Variants in SLC6A15 observed in about 807,000 individuals in gnomAD.
SLC6A15 encodes the protein sodium-dependent neutral amino acid transporter B(0)AT2.
In SLC6A15, 33 loss-of-function variants were observed where a neutral mutation model predicts 68.5. The ratio of observed to expected loss-of-function variants is 0.48; its 90% CI spans 0.37 to 0.64. The LOEUF (loss-of-function observed/expected upper bound fraction) is 0.64, where lower values mean the gene tolerates loss of function less well. Ranked by LOEUF, SLC6A15 falls within the 30% of genes least tolerant of loss-of-function variation. The probability of loss-of-function intolerance (pLI) is 0.00; values close to 1 mark genes in which losing one functional copy is unlikely to be tolerated. For missense variants in SLC6A15, 747 were observed against 874.3 expected (o/e 0.85, Z 1.84); for synonymous variants, 347 against 301.0 (o/e 1.15, Z -1.58).
Position 84,873,110 on chromosome 12 carries a change from G to A in SLC6A15, c.1086C>T (p.Val362=). 3 of 1,614,028 alleles carry A rather than the reference G, an allele frequency of 1.9e-6. No homozygotes were observed. Among genetic ancestry groups the A allele is most frequent in the South Asian group, 2.2e-5 (2 of 91,026 alleles). The change falls in exon 7 of 12, where the codon GTC becomes GTT. Residue 362 remains valine, a synonymous_variant. Transcript: ENST00000266682. Reference sequence around the variant, plus strand: ...ACTGTGTAATGCATTTCTCATTTATGACATTTGCTTTGAAGCCCAGAACTG... The same window carrying A: ...ACTGTGTAATGCATTTCTCATTTATAACATTTGCTTTGAAGCCCAGAACTG... The part of the protein sequence containing the change: ...VFAVLGFKAN[V]INEKCITQNS...
In SLC6A15 at chr12:84,860,083, TAA is replaced by T. The variant is rs1027783776; in HGVS notation, c.*1547_*1548del. 6.6e-6 allele frequency: 1 copy of T among 152,068 alleles called. No homozygotes were observed. Among genetic ancestry groups the T allele is most frequent in the Non-Finnish European group, 1.5e-5 (1 of 67,916 alleles). The allele number at this position is 152,068 out of a possible 1,614,324, so 9.4% of individuals were successfully genotyped here. On this transcript the variant is annotated 3_prime_UTR_variant, in exon 12 of 12. Transcript: ENST00000266682. ...TATTCATGAATATATTTTAAAAGAC[TAA>T]AAATTTATGCACCAGTGGATTTAAT...
At chr12:84,869,661 T>C (rs1871207470) in intron 9 of SLC6A15, among the ~76,000 whole-genome samples, 1 of 152,094 alleles carries the variant, frequency 6.6e-6, no homozygotes, top group Admixed American at 6.6e-5. Context: ...CTCTGACCCT[T>C]GAGAAGATCC....
chr12:84,883,929 G>T lies in SLC6A15; in HGVS notation c.686C>A (p.Thr229Asn). 1 of 1,614,106 alleles carries T rather than the reference G, an allele frequency of 6.2e-7. No homozygotes were observed. Among genetic ancestry groups the T allele is most frequent in the Non-Finnish European group, 8.5e-7 (1 of 1,180,002 alleles). The change falls in exon 5 of 12, where the codon ACC (threonine) becomes AAC (asparagine). Residue 229 changes from threonine (T) to asparagine (N), a missense_variant. Transcript: ENST00000266682. ...SESGGLNWKM[T>N]ICLLAAWVMV... is the part of the protein sequence containing the mutation. The stretch of plus-strand genomic sequence containing the variant: ...GACCCAGGCAGCCAACAAGCAGATG[G>T]TCATCTTCCAGTTTAAGCCCCCACT...
Position 84,881,525 on chromosome 12 carries a change from G to T in SLC6A15, c.756+2334C>A, listed in dbSNP as rs78043864. On this transcript the variant is annotated intron_variant, in intron 5 of 11. Transcript: ENST00000266682. ...TGCAGATGTGGTCCAACTGATATGT[G>T]CCTACCTAGCCCAAAGGACAATGTC... 5,718 of 985,246 alleles carry T rather than the reference G, an allele frequency of 5.8e-3. 264 individuals are homozygous for T. The African/African-American group carries it at 0.093, about 16-fold the overall frequency. 61.0% of individuals were successfully genotyped at this position (985,246 alleles called of 1,614,324 possible).
intron 1 of SLC6A15, among the ~76,000 whole-genome samples, chr12:84,899,308 G>A (rs909486751): frequency 6.6e-6 from 1 of 152,018 alleles, no homozygotes; most frequent in African/African-American, 2.4e-5. Flanking sequence ...ACTGCAAAAG[G>A]CATGCGTAGA....
chr12:84,903,114 G>A (rs182509062), intron 1 of SLC6A15, among the ~76,000 whole-genome samples: 8 of 152,190 alleles, frequency 5.3e-5, no homozygotes, highest in African/African-American at 1.9e-4. Context: ...CTGTGAAATC[G>A]TAATTATTTC....
chr12:84,874,097 G>T (rs1250688480), intron 6 of SLC6A15, among the ~76,000 whole-genome samples: 2 of 152,124 alleles, frequency 1.3e-5, no homozygotes, highest in Admixed American at 6.6e-5. Context: ...TAATAATAGC[G>T]TTTAAATTGG....
At chr12:84,870,051 A>G in intron 9 of SLC6A15, among the ~76,000 whole-genome samples, 1 of 151,924 alleles carries the variant, frequency 6.6e-6, no homozygotes, top group East Asian at 1.9e-4. Flanking sequence ...GCTGCTGTAT[A>G]TGAGAACGGG....
chr12:84,905,398 C>T (rs547939787), intron 1 of SLC6A15, among the ~76,000 whole-genome samples: 1 of 152,144 alleles, frequency 6.6e-6, no homozygotes, highest in African/African-American at 2.4e-5. Flanking sequence ...CAGAAGGAAA[C>T]TTTCTCAACT....
chr12:84,896,753 A>G (rs1872652180), intron 1 of SLC6A15, among the ~76,000 whole-genome samples: 1 of 152,258 alleles, frequency 6.6e-6, no homozygotes, highest in South Asian at 2.1e-4. Context: ...ATACACCAGG[A>G]AACAATGTGC....
In SLC6A15 at chr12:84,860,655, T is replaced by G. The variant is rs1870808565; in HGVS notation, c.*977A>C. 6.6e-6 allele frequency: 1 copy of G among 152,142 alleles called. No homozygotes were observed. The highest frequency in any genetic ancestry group is 1.9e-4 in the East Asian group (1 of 5,196). The allele number at this position is 152,142 out of a possible 1,614,324, so 9.4% of individuals were successfully genotyped here. On this transcript the variant is annotated 3_prime_UTR_variant, in exon 12 of 12. Transcript: ENST00000266682. Reference sequence around the variant, plus strand: ...ATCAATGTGAAAAACAAACATCATTTTTAAACTTTGTTTATTTGTAGATTA... The same window carrying G: ...ATCAATGTGAAAAACAAACATCATTGTTAAACTTTGTTTATTTGTAGATTA...
chr12:84,888,731 C>T (rs983052560), intron 2 of SLC6A15, among the ~76,000 whole-genome samples: 1 of 152,144 alleles, frequency 6.6e-6, no homozygotes, highest in African/African-American at 2.4e-5. Flanking sequence ...ATTTATGTAA[C>T]AAAAATCCAC....
In SLC6A15 at chr12:84,882,407, A is replaced by C. The variant is rs147994176; in HGVS notation, c.756+1452T>G. The C allele has an allele frequency of 9.6e-4, 929 of 970,888 alleles. 3 individuals carry two copies. In the African/African-American group the frequency reaches 0.015, roughly 16 times the overall value. 60.1% of individuals were successfully genotyped at this position (970,888 alleles called of 1,614,324 possible). On this transcript the variant is annotated intron_variant, in intron 5 of 11. Coordinates refer to ENST00000266682, the MANE Select transcript of SLC6A15 (RefSeq NM_182767.6). ...TTAAAGATATTTAGATGTGTTAACA[A>C]GTATATTCACAAATTCAAAAGACAA...
chr12:84,911,131 TG>T (rs987334649), intron 1 of SLC6A15, among the ~76,000 whole-genome samples: 1 of 152,124 alleles, frequency 6.6e-6, no homozygotes, highest in Non-Finnish European at 1.5e-5. Flanking sequence ...AGGGGCTTGT[TG>T]GGGCTGTGTC....
chr12:84,886,777 A>C (rs1436805404), intron 2 of SLC6A15, among the ~76,000 whole-genome samples: 1 of 152,214 alleles, frequency 6.6e-6, no homozygotes, highest in Non-Finnish European at 1.5e-5. Flanking sequence ...TCCTTGTAAT[A>C]AAATTTCCAT....
chr12:84,888,131 G>C (rs1592605643), intron 2 of SLC6A15, among the ~76,000 whole-genome samples: 1 of 150,674 alleles, frequency 6.6e-6, no homozygotes, highest in Middle Eastern at 3.4e-3. Flanking sequence ...TGGGCTGCGC[G>C]CCTGTGGTCC....
chr12:84,886,856 G>C (rs1156233547), intron 2 of SLC6A15, among the ~76,000 whole-genome samples: 2 of 152,004 alleles, frequency 1.3e-5, no homozygotes, highest in African/African-American at 4.8e-5. Context: ...ATTTCAAAAG[G>C]TACCTAAATA....
intron 5 of SLC6A15, 24 bp from the exon 6 acceptor site, chr12:84,876,631 T>A: frequency 8.2e-7 from 1 of 1,216,858 alleles, no homozygotes; most frequent in Non-Finnish European, 1.2e-6. Context: ...AAAATAAAAA[T>A]AAGTGAGATA....
At chr12:84,899,798 G>A (rs186239816) in intron 1 of SLC6A15, among the ~76,000 whole-genome samples, 5 of 151,562 alleles carry the variant, frequency 3.3e-5, no homozygotes, top group Middle Eastern at 3.4e-3. Flanking sequence ...TTTTTGTATC[G>A]CTTTAGTTAT....
Sources: allele counts gnomAD v4.1 joint callset (sites outside exome capture counted in the v4.1 genomes callset), GRCh38; gene constraint gnomAD v4.1.1; transcripts MANE v1.5; gene names NCBI Gene and HGNC (gene_info 2026-07-23, HGNC 2026-07-21).